ADAMTS9: variants seen among roughly 807,000 people sequenced by gnomAD.
The protein encoded by ADAMTS9 is A disintegrin and metalloproteinase with thrombospondin motifs 9.
ADAMTS9 carries 107 observed loss-of-function variants against 257.1 expected under a neutral mutation model. That is an observed-to-expected ratio of 0.42 (90% CI 0.36 to 0.49). The LOEUF (loss-of-function observed/expected upper bound fraction) is 0.49. Ranked by LOEUF, ADAMTS9 falls within the 20% of genes least tolerant of loss-of-function variation. The pLI is 0.03. For synonymous variants in ADAMTS9, 982 were observed against 880.9 expected (o/e 1.11, Z -2.03); for missense variants, 2,353 against 2,469.1 (o/e 0.95, Z 1.00).
intron 27 of ADAMTS9, among the ~76,000 whole-genome samples, chr3:64,595,780 C>G (rs2084354039): frequency 6.9e-6 from 1 of 144,636 alleles, no homozygotes; most frequent in African/African-American, 2.7e-5. Flanking sequence ...ACATGCCCAT[C>G]AATCTCATTT....
intron 8 of ADAMTS9, among the ~76,000 whole-genome samples, chr3:64,653,600 T>C (rs1383600586): frequency 6.6e-6 from 1 of 152,184 alleles, no homozygotes; most frequent in African/African-American, 2.4e-5. Context: ...AGTTACCATC[T>C]GCCACACAAA....
At chr3:64,648,107 G>C in intron 10 of ADAMTS9, 63 bp from the exon 11 acceptor site, 1 of 1,459,176 alleles carries the variant, frequency 6.9e-7, no homozygotes, top group Non-Finnish European at 9.4e-7. Flanking sequence ...ATCAAACAAA[G>C]CAAAGCTTGC....
rs376249988 is a variant in ADAMTS9 at position 64,654,653 on chromosome 3, G to A, written c.1170-41C>T. On this transcript the variant is annotated intron_variant, in intron 6 of 39. Transcript: ENST00000498707. ...ACTTAGGCCTTGATGACATCAAAGAGTAAATGTCAATACAAGTAAATACTT... is the reference window on the plus strand; with the variant it reads ...ACTTAGGCCTTGATGACATCAAAGAATAAATGTCAATACAAGTAAATACTT... 33 of 1,600,444 alleles carry A rather than the reference G, an allele frequency of 2.1e-5. No individual in the cohort carries two copies. In the African/African-American group the frequency reaches 3.9e-4, roughly 19 times the overall value.
intron 3 of ADAMTS9, among the ~76,000 whole-genome samples, chr3:64,659,936 C>T (rs187729257): frequency 4.1e-4 from 63 of 152,214 alleles, no homozygotes; most frequent in African/African-American, 1.3e-3. Context: ...TTAACTAGAT[C>T]CCCAGGTGAC....
At chr3:64,671,714 A>G (rs1701493167) in intron 3 of ADAMTS9, among the ~76,000 whole-genome samples, 1 of 152,210 alleles carries the variant, frequency 6.6e-6, no homozygotes, top group Non-Finnish European at 1.5e-5. Context: ...CTACTCAGTC[A>G]CATGTGCATA....
rs972233989 is a variant in ADAMTS9, at chr3:64,687,875, G to T, written c.-218C>A. ...TGCCGAGAGCTGAGCCGCTCGGGCC[G>T]CAGGAGGAGCCGGAGGAGCAGGAGG... On this transcript the variant is annotated 5_prime_UTR_variant, in exon 1 of 40. Coordinates refer to ENST00000498707, the MANE Select transcript of ADAMTS9 (RefSeq NM_182920.2). The surrounding 1 kb of genome is among the most constrained non-coding windows in gnomAD (Gnocchi z 4.4). The T allele has an allele frequency of 4.3e-5, 18 of 421,092 alleles. 2 individuals carry two copies. The highest frequency in any genetic ancestry group is 3.3e-4 in the African/African-American group (16 of 47,930). The allele number at this position is 421,092 out of a possible 1,614,324, so 26.1% of individuals were successfully genotyped here.
intron 22 of ADAMTS9, among the ~76,000 whole-genome samples, chr3:64,611,332 A>G (rs771156358): frequency 2.2e-4 from 34 of 152,226 alleles, no homozygotes; most frequent in Non-Finnish European, 4.0e-4. Flanking sequence ...TACATGCTAC[A>G]ATATAGATGA....
intron 11 of ADAMTS9, among the ~76,000 whole-genome samples, chr3:64,645,979 T>C (rs1045631782): frequency 1.3e-5 from 2 of 152,240 alleles, no homozygotes; most frequent in African/African-American, 4.8e-5. Context: ...CCAGAATTGG[T>C]TGGGTAACCA....
chr3:64,622,344 A>G lies in ADAMTS9; in HGVS notation c.2557-17T>C. The G allele has an allele frequency of 6.2e-7, 1 of 1,613,354 alleles. No individual in the cohort carries two copies. The highest frequency in any genetic ancestry group is 1.1e-5 in the South Asian group (1 of 91,018). ...CGACAAAACCTAGAATGTGTGGACA[A>G]AACAGAAACGAACTGGGTGGGCTTA... On this transcript the variant is annotated splice_polypyrimidine_tract_variant and intron_variant, in intron 17 of 39. Transcript: ENST00000498707.
intron 10 of ADAMTS9, among the ~76,000 whole-genome samples, chr3:64,648,352 A>G (rs763037071): frequency 6.6e-6 from 1 of 152,168 alleles, no homozygotes; most frequent in Non-Finnish European, 1.5e-5. Flanking sequence ...AAGTGACCAC[A>G]GTCCTGAGTA....
intron 38 of ADAMTS9, among the ~76,000 whole-genome samples, chr3:64,531,514 C>T (rs2082981177): frequency 6.6e-6 from 1 of 151,964 alleles, no homozygotes; most frequent in South Asian, 2.1e-4. Flanking sequence ...GCAGCCCAGC[C>T]TGGAGTGCAG....
chr3:64,545,706 A>G (rs2083188250), intron 32 of ADAMTS9, among the ~76,000 whole-genome samples: 1 of 152,214 alleles, frequency 6.6e-6, no homozygotes, highest in South Asian at 2.1e-4. Context: ...ATGTATACAT[A>G]TGTAACATAC....
chr3:64,650,054 T>A, intron 9 of ADAMTS9: 4 of 329,884 alleles, frequency 1.2e-5, no homozygotes, highest in Non-Finnish European at 2.2e-5. Context: ...TATCTGTTTA[T>A]GTTTGACTAT....
At chr3:64,537,324 C>G (rs1278828248) in intron 37 of ADAMTS9, among the ~76,000 whole-genome samples, 3 of 152,068 alleles carry the variant, frequency 2.0e-5, no homozygotes, top group African/African-American at 4.8e-5. Flanking sequence ...CATATAGAAA[C>G]AAGAAAATCC....
At chr3:64,677,060 A>C (rs558757060) in intron 3 of ADAMTS9, among the ~76,000 whole-genome samples, 66 of 152,294 alleles carry the variant, frequency 4.3e-4, no homozygotes, top group African/African-American at 1.5e-3. Flanking sequence ...ATCTGGAAAC[A>C]AGCAATGGGA....
chr3:64,577,495 G>A (rs2083885360), intron 28 of ADAMTS9, among the ~76,000 whole-genome samples: 1 of 152,220 alleles, frequency 6.6e-6, no homozygotes, highest in South Asian at 2.1e-4. Flanking sequence ...AAGACAGGGA[G>A]GGCGGTGGGT....
chr3:64,577,868 TAA>T (rs1255161858), intron 28 of ADAMTS9, among the ~76,000 whole-genome samples: 1 of 152,200 alleles, frequency 6.6e-6, no homozygotes, highest in African/African-American at 2.4e-5. Context: ...ACAAGTCATT[TAA>T]AAGACACCAG....
At chr3:64,603,093 C>T (rs909860682) in intron 25 of ADAMTS9, among the ~76,000 whole-genome samples, 3 of 152,126 alleles carry the variant, frequency 2.0e-5, no homozygotes, top group East Asian at 1.9e-4. Flanking sequence ...AAGCATTTGA[C>T]GTACATAATC....
At position 64,653,829 on chromosome 3, in the gene ADAMTS9, CTTCT is replaced by C. The variant is rs542256929; in HGVS notation, c.1316+520_1316+523del. On this transcript the variant is annotated intron_variant, in intron 8 of 39. Coordinates refer to ENST00000498707, the MANE Select transcript of ADAMTS9 (RefSeq NM_182920.2). ...AGTGACCATAATTAGGAAATGATTCCTTCTTTCTATCTTTGTTCATTCTCTTTCC... is the reference window on the plus strand; with the variant it reads ...AGTGACCATAATTAGGAAATGATTCCTTCTATCTTTGTTCATTCTCTTTCC... Among the ~76,000 whole-genome samples, 385 of 152,248 alleles carry C rather than the reference CTTCT, an allele frequency of 2.5e-3. 2 individuals are homozygous for C. The highest frequency in any genetic ancestry group is 8.5e-3 in the African/African-American group (354 of 41,548).
Sources: allele counts gnomAD v4.1 joint callset (sites outside exome capture counted in the v4.1 genomes callset), GRCh38; gene constraint gnomAD v4.1.1; non-coding constraint Gnocchi (gnomAD v3.1); transcripts MANE v1.5; gene names NCBI Gene and HGNC (gene_info 2026-07-23, HGNC 2026-07-21).